Variants in KCNMB2 observed in about 807,000 individuals in gnomAD.
The protein encoded by KCNMB2 is calcium-activated potassium channel subunit beta-2.
KCNMB2 carries 9 observed loss-of-function variants against 24.5 expected under a neutral mutation model. That is an observed-to-expected ratio of 0.37 (90% confidence interval 0.22 to 0.64). The LOEUF (loss-of-function observed/expected upper bound fraction) is 0.64, where lower values mean the gene tolerates loss of function less well. Among genes scored for constraint, KCNMB2 ranks in the 30% least tolerant of loss-of-function variants. The pLI is 0.63. For missense variants in KCNMB2, 226 were observed against 284.3 expected (o/e 0.79, Z 1.47); for synonymous variants, 109 against 104.4 (o/e 1.04, Z -0.27).
intron 1 of KCNMB2, among the ~76,000 whole-genome samples, chr3:178,558,179 CAA>C (rs34153711): frequency 0.35 from 53,340 of 151,916 alleles, 10,560 homozygotes; most frequent in East Asian, 0.6. Context: ...CATTTTAACC[CAA>C]GTCAATTTTA....
At chr3:178,721,915 A>T (rs934746174) in intron 1 of KCNMB2, among the ~76,000 whole-genome samples, 10 of 152,316 alleles carry the variant, frequency 6.6e-5, no homozygotes, top group Admixed American at 4.6e-4. Context: ...TACCCATTTT[A>T]AAATTTTGAA....
chr3:178,569,765 T>C (rs772371953), intron 1 of KCNMB2, among the ~76,000 whole-genome samples: 4 of 152,224 alleles, frequency 2.6e-5, no homozygotes, highest in Non-Finnish European at 5.9e-5. Flanking sequence ...TTCAACCTTC[T>C]GAAAGAGTTA....
chr3:178,749,288 A>G (rs1161554279), intron 1 of KCNMB2: 1 of 152,244 alleles, frequency 6.6e-6, no homozygotes, highest in African/African-American at 2.4e-5. Flanking sequence ...TTCTTTTCTC[A>G]TGAGAGACGT....
At chr3:178,703,884 G>T (rs1722189749) in intron 1 of KCNMB2, among the ~76,000 whole-genome samples, 1 of 152,118 alleles carries the variant, frequency 6.6e-6, no homozygotes, top group African/African-American at 2.4e-5. Flanking sequence ...GTTAGAGTGA[G>T]GAACAAGGTG....
At chr3:178,788,589 A>G (rs1205060207) in intron 1 of KCNMB2, among the ~76,000 whole-genome samples, 1 of 152,196 alleles carries the variant, frequency 6.6e-6, no homozygotes, top group African/African-American at 2.4e-5. Context: ...CTGTTACTCT[A>G]ATTTTCTTGA....
intron 1 of KCNMB2, among the ~76,000 whole-genome samples, chr3:178,777,532 G>A (rs909932208): frequency 6.6e-6 from 1 of 152,166 alleles, no homozygotes; most frequent in African/African-American, 2.4e-5. Context: ...GAACATTAGT[G>A]GAACTCTTGG....
chr3:178,785,214 A>T (rs995834182), intron 1 of KCNMB2, among the ~76,000 whole-genome samples: 1 of 152,098 alleles, frequency 6.6e-6, no homozygotes, highest in Non-Finnish European at 1.5e-5. Context: ...TAGAATGAAA[A>T]TTTAGGCAAT....
At chr3:178,712,205 A>G (rs979174943) in intron 1 of KCNMB2, among the ~76,000 whole-genome samples, 1 of 152,204 alleles carries the variant, frequency 6.6e-6, no homozygotes, top group Admixed American at 6.5e-5. Context: ...TAACAAGAGT[A>G]ACATATTTAC....
In KCNMB2 at chr3:178,720,296, C is replaced by G. The variant is rs561953893; in HGVS notation, c.-67-87047C>G. Among the ~76,000 whole-genome samples the G allele has an allele frequency of 1.9e-3, 275 of 147,978 alleles. 1 individual carries two copies. Among genetic ancestry groups the G allele is most frequent in the Middle Eastern group, 6.8e-3 (2 of 292 alleles). ...ATTTCCAATTTCATCCATGTCCCTA[C>G]AAAGGACATGAACTCATCATTTTTT... On this transcript the variant is annotated intron_variant, in intron 1 of 4. Coordinates refer to ENST00000452583, the MANE Select transcript of KCNMB2 (RefSeq NM_181361.3).
chr3:178,550,710 C>CT (rs1241797507), intron 1 of KCNMB2, among the ~76,000 whole-genome samples: 9 of 151,982 alleles, frequency 5.9e-5, no homozygotes, highest in African/African-American at 2.2e-4. Flanking sequence ...GTTCCAATCT[C>CT]TTTTTTGCCA....
At chr3:178,612,755 A>G (rs1718527900) in intron 1 of KCNMB2, among the ~76,000 whole-genome samples, 2 of 152,144 alleles carry the variant, frequency 1.3e-5, no homozygotes, top group Non-Finnish European at 2.9e-5. Context: ...ATTGATAAGT[A>G]AGGACTTAAT....
chr3:178,839,634 G>A (rs1445582107), intron 4 of KCNMB2, among the ~76,000 whole-genome samples: 1 of 152,144 alleles, frequency 6.6e-6, no homozygotes, highest in Non-Finnish European at 1.5e-5. Context: ...GAAGGCAAAG[G>A]GGAAGCAAGG....
At chr3:178,777,124 G>T (rs1209061379) in intron 1 of KCNMB2, among the ~76,000 whole-genome samples, 1 of 152,108 alleles carries the variant, frequency 6.6e-6, no homozygotes, top group Non-Finnish European at 1.5e-5. Context: ...AATAATTGTA[G>T]TTATATGCAA....
At chr3:178,748,476 C>T (rs1053390180) in intron 1 of KCNMB2, 1 of 152,024 alleles carries the variant, frequency 6.6e-6, no homozygotes, top group Admixed American at 6.6e-5. Context: ...CCAGAATCTC[C>T]CAGAATAATC....
intron 1 of KCNMB2, among the ~76,000 whole-genome samples, chr3:178,598,037 G>T (rs1717939785): frequency 6.9e-6 from 1 of 145,852 alleles, no homozygotes. Context: ...GAAAATGCAG[G>T]ACAAAAAAAC....
intron 1 of KCNMB2, among the ~76,000 whole-genome samples, chr3:178,718,466 A>G (rs188721614): frequency 3.0e-4 from 45 of 152,356 alleles, no homozygotes; most frequent in African/African-American, 1.1e-3. Context: ...AGGCCTGCCT[A>G]TAAGATCAAA....
intron 1 of KCNMB2, among the ~76,000 whole-genome samples, chr3:178,694,276 T>C (rs1025919164): frequency 6.6e-6 from 1 of 152,294 alleles, no homozygotes; most frequent in South Asian, 2.1e-4. Context: ...TATTTCCACC[T>C]AGTCCCTCCT....
chr3:178,744,882 C>T (rs940965546), intron 1 of KCNMB2, among the ~76,000 whole-genome samples: 2 of 152,142 alleles, frequency 1.3e-5, no homozygotes, highest in South Asian at 4.1e-4. Context: ...CTTGCTGCTA[C>T]TCATCAATTA....
chr3:178,707,715 TA>T (rs869096575), intron 1 of KCNMB2, among the ~76,000 whole-genome samples: 2 of 134,540 alleles, frequency 1.5e-5, no homozygotes, highest in African/African-American at 6.0e-5. Context: ...TTAAAATCAT[TA>T]AATGGGAGCC....
Sources: gnomAD v4.1 joint callset for allele counts (sites outside exome capture counted in the v4.1 genomes callset) on GRCh38, gnomAD v4.1.1 for gene constraint, MANE v1.5 for transcripts, NCBI Gene and HGNC (gene_info 2026-07-23, HGNC 2026-07-21) for gene names.